Variants in SLC8A3 observed in about 807,000 individuals in gnomAD.
SLC8A3 encodes the protein solute carrier family 8 member A3, also known as sodium/calcium exchanger 3.
In SLC8A3, 37 loss-of-function variants were observed where a neutral mutation model predicts 65.4. The ratio of observed to expected loss-of-function variants is 0.57; its 90% CI spans 0.44 to 0.74. SLC8A3 has a LOEUF of 0.74. Ranked by LOEUF, SLC8A3 falls within the 30% of genes least tolerant of loss-of-function variation. The pLI, the probability that SLC8A3 is intolerant of heterozygous loss-of-function variation, is 0.00. For missense variants in SLC8A3, 1,112 were observed against 1,172.1 expected, an observed-to-expected ratio of 0.95 and a Z score of 0.75; for synonymous variants, 461 against 444.5, an observed-to-expected ratio of 1.04 and a Z score of -0.47.
At chr14:70,161,393 C>T (rs971581005) in intron 2 of SLC8A3, among the ~76,000 whole-genome samples, 1 of 150,648 alleles carries the variant, frequency 6.6e-6, no homozygotes, top group African/African-American at 2.4e-5. Flanking sequence ...ACTGGAAATG[C>T]CTCACTGTAC....
At chr14:70,171,774 C>T (rs147187537) in intron 1 of SLC8A3, among the ~76,000 whole-genome samples, 7 of 151,986 alleles carry the variant, frequency 4.6e-5, no homozygotes, top group African/African-American at 1.7e-4. Flanking sequence ...CACTCCCACC[C>T]GGGCAACAAG....
chr14:70,158,408 CT>C (rs1896701907), intron 2 of SLC8A3, among the ~76,000 whole-genome samples: 1 of 152,164 alleles, frequency 6.6e-6, no homozygotes, highest in Non-Finnish European at 1.5e-5. Flanking sequence ...ACCAAACAGC[CT>C]GGCAGAAGAT....
chr14:70,113,293 G>A (rs906087422), intron 2 of SLC8A3, among the ~76,000 whole-genome samples: 1 of 152,130 alleles, frequency 6.6e-6, no homozygotes, highest in Admixed American at 6.5e-5. Context: ...CTGTACAACA[G>A]GTTACTGTAC....
intron 2 of SLC8A3, among the ~76,000 whole-genome samples, chr14:70,126,547 T>TTCTCTCTCTCTCTCTC (rs36183214): frequency 7.0e-4 from 83 of 118,098 alleles, no homozygotes; most frequent in East Asian, 2.1e-3. Flanking sequence ...AGAAAGAAAA[T>TTCTCTCTCTCTCTCTC]TCTCTCTCTC....
intron 2 of SLC8A3, among the ~76,000 whole-genome samples, chr14:70,133,587 G>T (rs1413953526): frequency 1.3e-5 from 2 of 152,138 alleles, no homozygotes; most frequent in African/African-American, 4.8e-5. Flanking sequence ...GAGACCAGTG[G>T]GGTCACACTG....
chr14:70,074,172 A>G (rs995105825), intron 2 of SLC8A3, among the ~76,000 whole-genome samples: 1 of 152,222 alleles, frequency 6.6e-6, no homozygotes, highest in Non-Finnish European at 1.5e-5. Context: ...ACTGGATGAC[A>G]GAACAGCCTA....
intron 2 of SLC8A3, among the ~76,000 whole-genome samples, chr14:70,163,732 G>A (rs1250308701): frequency 1.3e-5 from 2 of 152,148 alleles, no homozygotes; most frequent in Non-Finnish European, 2.9e-5. Flanking sequence ...GTTTGGTCAA[G>A]AGCTTCAGAA....
intron 2 of SLC8A3, among the ~76,000 whole-genome samples, chr14:70,064,811 T>C (rs1421098956): frequency 6.6e-6 from 1 of 152,252 alleles, no homozygotes; most frequent in Non-Finnish European, 1.5e-5. Flanking sequence ...TAAAAATACA[T>C]GCCAATTTTA....
Position 70,167,498 on chromosome 14 carries a change from C to T in SLC8A3, c.925G>A (p.Val309Met). ...ATCATCTCTCTGCGGGACTCATCCA[C>T]TTCCTTCCCTTCCAGGGGCACCAGG... ...GNLVPLEGKE[V>M]DESRREMIRI... is the part of the protein sequence containing the mutation. The change falls in exon 2 of 7, where the codon GTG (valine) becomes ATG (methionine). Residue 309 changes from valine to methionine, a missense_variant. By Grantham distance (21) the Val-to-Met change is conservative (BLOSUM62 1). Transcript: ENST00000356921. 6.2e-7 allele frequency: 1 copy of T among 1,614,076 alleles called. No individual in the cohort carries two copies. Among genetic ancestry groups the T allele is most frequent in the African/African-American group, 1.3e-5 (1 of 75,044 alleles).
At chr14:70,055,865 T>C (rs1369596293) in intron 3 of SLC8A3, 5 of 1,539,086 alleles carry the variant, frequency 3.2e-6, no homozygotes, top group Non-Finnish European at 3.6e-6. Context: ...GAAAGAGCAT[T>C]AATGTCCCAT....
In SLC8A3 at chr14:70,046,563, G is replaced by C; in HGVS notation, c.2390-240C>G. The C allele has an allele frequency of 4.3e-6, 2 of 467,010 alleles. No individual in the cohort carries two copies. Among genetic ancestry groups the C allele is most frequent in the Non-Finnish European group, 7.6e-6 (2 of 263,480 alleles). The allele number at this position is 467,010 out of a possible 1,614,324, so 28.9% of individuals were successfully genotyped here. A position where few individuals can be genotyped will look rare whatever the true frequency, so the allele number is the denominator to read the frequency against. The stretch of plus-strand genomic sequence containing the variant: ...CTGCAGTGATCTGAAAGATTCTGAA[G>C]GGCTTTCCAGTTCTGATATTTACTG... On this transcript the variant is annotated intron_variant, in intron 6 of 6. Transcript: ENST00000356921. The surrounding 1 kb of genome is among the most constrained non-coding windows in gnomAD (Gnocchi z 4.2).
At chr14:70,137,574 C>T (rs549699973) in intron 2 of SLC8A3, among the ~76,000 whole-genome samples, 1 of 152,278 alleles carries the variant, frequency 6.6e-6, no homozygotes, top group Non-Finnish European at 1.5e-5. Flanking sequence ...AAATTCAGCA[C>T]TGTGGTTATT....
chr14:70,114,374 G>T (rs922644603), intron 2 of SLC8A3, among the ~76,000 whole-genome samples: 1 of 152,260 alleles, frequency 6.6e-6, no homozygotes, highest in East Asian at 1.9e-4. Context: ...TGGCTGAGCT[G>T]GGAATAGACT....
intron 2 of SLC8A3, among the ~76,000 whole-genome samples, chr14:70,151,261 G>GAAAAAAAAAAAA (rs57192683): frequency 8.0e-6 from 1 of 125,358 alleles, no homozygotes. Flanking sequence ...CTCAAAAAAA[G>GAAAAAAAAAAAA]AAAAAAAAAA....
chr14:70,053,516 G>A (rs59560095), intron 3 of SLC8A3, among the ~76,000 whole-genome samples: 5,400 of 152,278 alleles, frequency 0.035, 126 homozygotes, highest in Admixed American at 0.051. Context: ...AGCAGCGACA[G>A]TATTATTCCA....
intron 2 of SLC8A3, among the ~76,000 whole-genome samples, chr14:70,116,874 A>C (rs1344515623): frequency 6.6e-6 from 1 of 152,260 alleles, no homozygotes. Flanking sequence ...TATCACAAGC[A>C]TACCAATAGA....
rs183999135 is a variant in SLC8A3, at chr14:70,150,188, G to T, written c.1784+16451C>A. Among the ~76,000 whole-genome samples, 104 of 152,222 alleles carry T rather than the reference G, an allele frequency of 6.8e-4. No homozygotes were observed. In the Middle Eastern group the frequency reaches 0.017, roughly 25 times the overall value. On this transcript the variant is annotated intron_variant, in intron 2 of 6. Transcript: ENST00000356921. Reference sequence around the variant, plus strand: ...ACCCCTGGTGAGGAATTTAGACTAGGCACTATGCTAAACGTTTTATATTGC... The same window carrying T: ...ACCCCTGGTGAGGAATTTAGACTAGTCACTATGCTAAACGTTTTATATTGC...
At chr14:70,175,182 A>T (rs537196336) in intron 1 of SLC8A3, among the ~76,000 whole-genome samples, 1 of 152,194 alleles carries the variant, frequency 6.6e-6, no homozygotes, top group Non-Finnish European at 1.5e-5. Context: ...ATATGGACCA[A>T]GGACTTTAAA....
chr14:70,072,947 C>T (rs1215079318), intron 2 of SLC8A3, among the ~76,000 whole-genome samples: 1 of 152,200 alleles, frequency 6.6e-6, no homozygotes, highest in Non-Finnish European at 1.5e-5. Flanking sequence ...CATGCCTGGC[C>T]TGCCACCTGA....
Sources: allele counts gnomAD v4.1 joint callset (sites outside exome capture counted in the v4.1 genomes callset), GRCh38; gene constraint gnomAD v4.1.1; non-coding constraint Gnocchi (gnomAD v3.1); transcripts MANE v1.5; gene names NCBI Gene and HGNC (gene_info 2026-07-23, HGNC 2026-07-21).